TCF12: variants seen among roughly 807,000 people sequenced by gnomAD.
TCF12 encodes the protein transcription factor 12.
A neutral mutation model predicts 86.0 loss-of-function variants in TCF12; 45 were observed. That is an observed-to-expected ratio of 0.52 (90% CI 0.41 to 0.67). TCF12 has a LOEUF of 0.67. Among genes scored for constraint, TCF12 ranks in the 30% least tolerant of loss-of-function variants. The pLI is 0.00. For missense variants in TCF12, 881 were observed against 859.9 expected, an observed-to-expected ratio of 1.02 and a Z score of -0.31; for synonymous variants, 330 against 299.6, an observed-to-expected ratio of 1.10 and a Z score of -1.05.
chr15:57,001,137 C>T (rs1829448212), intron 3 of TCF12, among the ~76,000 whole-genome samples: 5 of 151,656 alleles, frequency 3.3e-5, no homozygotes, highest in Admixed American at 3.3e-4. Context: ...CTATCTCAGC[C>T]TGCTGAGTAG....
intron 6 of TCF12, among the ~76,000 whole-genome samples, chr15:57,166,807 C>T (rs1484829795): frequency 6.6e-6 from 1 of 152,174 alleles, no homozygotes; most frequent in African/African-American, 2.4e-5. Flanking sequence ...ATCTGCATAG[C>T]TTAAATATCC....
chr15:56,952,797 A>G (rs1337112128), intron 3 of TCF12, among the ~76,000 whole-genome samples: 1 of 152,162 alleles, frequency 6.6e-6, no homozygotes, highest in African/African-American at 2.4e-5. Flanking sequence ...ATAAATGGTC[A>G]TGTAGTCTGT....
At position 56,921,084 on chromosome 15, in the gene TCF12, A is replaced by T; in HGVS notation, c.134A>T (p.Gln45Leu). Residue 45 changes from glutamine (Q) to leucine (L), a missense_variant, in exon 3 of 21, where the codon CAA becomes CTA. Coordinates refer to ENST00000333725, the MANE Select transcript of TCF12 (RefSeq NM_207037.2). Reference protein sequence around the residue: ...KTRPTTLGSSQFSGSGIDERG... With the variant: ...KTRPTTLGSSLFSGSGIDERG... The stretch of plus-strand genomic sequence containing the variant: ...AGACCAACTACACTGGGAAGCAGTC[A>T]ATTCAGTGGATCAGGTAAGATGATG... 6.2e-7 allele frequency: 1 copy of T among 1,609,236 alleles called. No homozygotes were observed.
chr15:57,235,221 A>C (rs1157134024), intron 12 of TCF12, among the ~76,000 whole-genome samples: 3 of 152,186 alleles, frequency 2.0e-5, no homozygotes, highest in Admixed American at 6.5e-5. Flanking sequence ...AACCCACAAA[A>C]TATTTCAGCT....
At chr15:56,946,473 T>G (rs1477357189) in intron 3 of TCF12, among the ~76,000 whole-genome samples, 5 of 152,140 alleles carry the variant, frequency 3.3e-5, no homozygotes, top group African/African-American at 1.2e-4. Context: ...CCTCAAGATA[T>G]TCCTGTTTTT....
At chr15:57,076,482 G>A (rs571781563) in intron 4 of TCF12, among the ~76,000 whole-genome samples, 48 of 151,926 alleles carry the variant, frequency 3.2e-4, no homozygotes, top group Middle Eastern at 6.8e-3. Context: ...ATGAATCCCC[G>A]TCTCTACTAA....
intron 3 of TCF12, among the ~76,000 whole-genome samples, chr15:57,009,859 T>G (rs1189465505): frequency 1.3e-5 from 2 of 152,184 alleles, no homozygotes; most frequent in African/African-American, 4.8e-5. Context: ...ACATACAATT[T>G]GAAAATAACA....
At chr15:57,218,369 A>C (rs578139800) in intron 8 of TCF12, among the ~76,000 whole-genome samples, 1 of 152,360 alleles carries the variant, frequency 6.6e-6, no homozygotes, top group Admixed American at 6.5e-5. Flanking sequence ...GGTTGTAATT[A>C]CAGCAAACGA....
intron 19 of TCF12, chr15:57,282,137 T>C: frequency 2.6e-6 from 1 of 383,528 alleles, no homozygotes; most frequent in African/African-American, 2.1e-5. Context: ...TGAAGAGACT[T>C]GGTAGCCTAA....
intron 5 of TCF12, among the ~76,000 whole-genome samples, chr15:57,114,198 C>T (rs2050688392): frequency 6.6e-6 from 1 of 152,128 alleles, no homozygotes. Flanking sequence ...CTGTTTATTA[C>T]TCTATCAGGA....
chr15:57,068,044 T>A (rs763862128), intron 4 of TCF12, among the ~76,000 whole-genome samples: 2 of 152,194 alleles, frequency 1.3e-5, no homozygotes, highest in Non-Finnish European at 2.9e-5. Flanking sequence ...GTTTCAGATT[T>A]TTTTTTTCTC....
intron 16 of TCF12, among the ~76,000 whole-genome samples, chr15:57,255,469 T>G (rs529519243): frequency 3.9e-4 from 59 of 152,208 alleles, no homozygotes; most frequent in South Asian, 1.5e-3. Context: ...GAGGTATTTT[T>G]TTGTTGTTGT....
intron 3 of TCF12, among the ~76,000 whole-genome samples, chr15:57,020,919 A>G (rs1171630410): frequency 2.6e-5 from 4 of 152,184 alleles, no homozygotes; most frequent in African/African-American, 9.7e-5. Context: ...ATTTGAAATT[A>G]AGAGTAACAA....
intron 3 of TCF12, among the ~76,000 whole-genome samples, chr15:56,961,175 G>A (rs2061736052): frequency 6.6e-6 from 1 of 151,790 alleles, no homozygotes; most frequent in South Asian, 2.1e-4. Context: ...CCTACAGTAT[G>A]CTAGCTAGAC....
chr15:57,000,287 G>A (rs75160942), intron 3 of TCF12, among the ~76,000 whole-genome samples: 2,064 of 149,950 alleles, frequency 0.014, 56 homozygotes, highest in African/African-American at 0.044. Context: ...CGATCCTCTC[G>A]CCTTGGCTTC....
At chr15:57,112,275 T>C (rs780773167) in intron 5 of TCF12, among the ~76,000 whole-genome samples, 13 of 152,192 alleles carry the variant, frequency 8.5e-5, no homozygotes, top group Non-Finnish European at 1.8e-4. Context: ...TTTCAGGTGA[T>C]CTGACTTTCC....
intron 4 of TCF12, among the ~76,000 whole-genome samples, chr15:57,076,729 G>A (rs1253657007): frequency 2.0e-5 from 3 of 152,030 alleles, no homozygotes; most frequent in Non-Finnish European, 2.9e-5. Context: ...CTTAAGAAAT[G>A]TAGTTTGACT....
intron 5 of TCF12, among the ~76,000 whole-genome samples, chr15:57,162,489 G>C (rs1332529168): frequency 1.3e-5 from 2 of 152,018 alleles, no homozygotes; most frequent in Admixed American, 6.6e-5. Context: ...TAAATGAAAG[G>C]TGAAATAAAA....
chr15:57,185,123 A>G (rs2056592579), intron 6 of TCF12, among the ~76,000 whole-genome samples: 1 of 152,188 alleles, frequency 6.6e-6, no homozygotes, highest in Admixed American at 6.5e-5. Context: ...GGTAATTGAA[A>G]TTGTCTTCTC....
Sources: gnomAD v4.1 joint callset for allele counts (sites outside exome capture counted in the v4.1 genomes callset) on GRCh38, gnomAD v4.1.1 for gene constraint, MANE v1.5 for transcripts, NCBI Gene and HGNC (gene_info 2026-07-23, HGNC 2026-07-21) for gene names.